TYW1: variants seen among roughly 807,000 people sequenced by gnomAD.
TYW1 encodes the protein S-adenosyl-L-methionine-dependent tRNA 4-demethylwyosine synthase TYW1.
TYW1 carries 46 observed loss-of-function variants against 96.2 expected under a neutral mutation model. That is an observed-to-expected ratio of 0.48 (90% CI 0.38 to 0.61). TYW1 has a LOEUF of 0.61. TYW1 is among the 20% of genes least tolerant of loss of function. The probability of loss-of-function intolerance (pLI) is 0.00; values close to 1 mark genes in which losing one functional copy is unlikely to be tolerated. For missense variants in TYW1, 684 were observed against 909.6 expected (o/e 0.75, Z 3.19); for synonymous variants, 274 against 323.0 (o/e 0.85, Z 1.63).
intron 15 of TYW1, among the ~76,000 whole-genome samples, chr7:67,228,740 T>C (rs1318147464): frequency 6.6e-6 from 1 of 152,236 alleles, no homozygotes; most frequent in Non-Finnish European, 1.5e-5. Flanking sequence ...AGAACTTTTT[T>C]CAGTGACTCT....
At chr7:67,203,876 A>G (rs13229380) in intron 15 of TYW1, among the ~76,000 whole-genome samples, 37,923 of 151,658 alleles carry the variant, frequency 0.25, 4,925 homozygotes, top group Middle Eastern at 0.3. Context: ...TTTCCTCTCC[A>G]TTCCTGAAGG....
intron 12 of TYW1, among the ~76,000 whole-genome samples, chr7:67,112,998 G>T (rs927907280): frequency 6.6e-6 from 1 of 152,170 alleles, no homozygotes; most frequent in Non-Finnish European, 1.5e-5. Flanking sequence ...AACCATGGGG[G>T]ATAGTTTGTG....
intron 6 of TYW1, among the ~76,000 whole-genome samples, chr7:67,020,164 G>A (rs558115460): frequency 1.3e-5 from 2 of 152,394 alleles, no homozygotes; most frequent in East Asian, 3.9e-4. Context: ...AGGATTGCTG[G>A]AGGCTAGGAG....
At chr7:67,003,637 G>T (rs906714265) in intron 3 of TYW1, among the ~76,000 whole-genome samples, 3 of 152,064 alleles carry the variant, frequency 2.0e-5, no homozygotes, top group African/African-American at 7.3e-5. Flanking sequence ...ACAATCCAAG[G>T]TTGGACATGA....
rs144746147 is a variant in TYW1 at position 67,117,556 on chromosome 7, C to T, written c.1636C>T (p.Arg546Cys). 4.3e-5 allele frequency: 69 copies of T among 1,613,976 alleles called. No individual in the cohort carries two copies. The highest frequency in any genetic ancestry group is 1.3e-4 in the African/African-American group (10 of 74,988). ...CAAAGACAGCCTGAAGAAAATCGACCGCCCACTCTTCAAGGATTTCTGGCA... is the reference window on the plus strand; with the variant it reads ...CAAAGACAGCCTGAAGAAAATCGACTGCCCACTCTTCAAGGATTTCTGGCA... ...STKDSLKKID[R>C]PLFKDFWQRF... Residue 546 changes from arginine (R) to cysteine (C), a missense_variant, in exon 13 of 16, where the codon CGC becomes TGC. Physicochemically the swap from Arg to Cys is radical, Grantham distance 180 (BLOSUM62 -3). Transcript: ENST00000359626.
At chr7:67,058,461 T>C (rs1032471603) in intron 9 of TYW1, among the ~76,000 whole-genome samples, 2 of 152,114 alleles carry the variant, frequency 1.3e-5, no homozygotes, top group Non-Finnish European at 2.9e-5. Context: ...CTAAGCAACC[T>C]GTGTGGAAGA....
intron 10 of TYW1, among the ~76,000 whole-genome samples, chr7:67,071,048 G>A (rs1413297475): frequency 4.6e-5 from 7 of 151,756 alleles, no homozygotes; most frequent in South Asian, 2.1e-4. Flanking sequence ...GGAGAATGGC[G>A]TGAACCCGGG....
At chr7:67,230,552 T>G (rs1347769841) in intron 15 of TYW1, among the ~76,000 whole-genome samples, 1 of 152,008 alleles carries the variant, frequency 6.6e-6, no homozygotes, top group Admixed American at 6.6e-5. Flanking sequence ...TTTCAGATTT[T>G]CTAGGTGATT....
chr7:67,090,301 T>C (rs1309914180), intron 11 of TYW1, among the ~76,000 whole-genome samples: 6 of 152,212 alleles, frequency 3.9e-5, no homozygotes, highest in African/African-American at 9.6e-5. Flanking sequence ...GTTGGGAAGA[T>C]TTTTGGCCAG....
chr7:67,087,040 C>T (rs1301245321), intron 11 of TYW1, among the ~76,000 whole-genome samples: 3 of 152,108 alleles, frequency 2.0e-5, no homozygotes, highest in Non-Finnish European at 2.9e-5. Context: ...ATCAGCACTG[C>T]CTTGAAGAAT....
At chr7:67,220,656 G>T (rs1212246393) in intron 15 of TYW1, among the ~76,000 whole-genome samples, 8 of 152,012 alleles carry the variant, frequency 5.3e-5, no homozygotes, top group African/African-American at 9.7e-5. Context: ...GTATTCTGTT[G>T]TTGTTAGGTA....
At chr7:67,049,842 C>T (rs1385088901) in intron 7 of TYW1, 107 bp from the exon 8 acceptor site, 25 of 1,398,742 alleles carry the variant, frequency 1.8e-5, no homozygotes, top group Admixed American at 1.7e-4. Context: ...CCACCGTGCC[C>T]GGCCTCATAA....
chr7:67,090,545 C>T (rs1003020529), intron 11 of TYW1, among the ~76,000 whole-genome samples: 7 of 152,102 alleles, frequency 4.6e-5, no homozygotes, highest in African/African-American at 1.4e-4. Flanking sequence ...TATCCAAGAT[C>T]AGGAAGGTGT....
At position 67,029,806 on chromosome 7, in the gene TYW1, T is replaced by A. The variant is rs1170365006; in HGVS notation, c.984+4784T>A. ...ACCTTGAACTCCTGGGCTCAAGGGA[T>A]CCTCCCATCTCGGCCTCCTGAGTAG... On this transcript the variant is annotated intron_variant, in intron 7 of 15. Transcript: ENST00000359626. Among the ~76,000 whole-genome samples, 3 of 152,074 alleles carry A rather than the reference T, an allele frequency of 2.0e-5. No individual in the cohort carries two copies. The East Asian group carries it at 5.8e-4, about 29-fold the overall frequency.
chr7:67,235,509 G>A (rs545441954), intron 15 of TYW1, among the ~76,000 whole-genome samples: 10 of 152,264 alleles, frequency 6.6e-5, no homozygotes, highest in Admixed American at 3.3e-4. Flanking sequence ...ATTCCATGGA[G>A]CCAGTAGCAG....
intron 7 of TYW1, among the ~76,000 whole-genome samples, chr7:67,038,761 G>A (rs1240649546): frequency 2.0e-5 from 3 of 152,140 alleles, no homozygotes; most frequent in South Asian, 2.1e-4. Context: ...AAAATTAGCC[G>A]GGTATGGTGG....
At position 67,078,849 on chromosome 7, in the gene TYW1, C is replaced by T. The variant is rs544937284; in HGVS notation, c.1275-4581C>T. 9.2e-5 allele frequency among the ~76,000 whole-genome samples: 14 copies of T among 152,238 alleles called. 1 individual carries two copies. The South Asian group carries it at 1.9e-3, about 20-fold the overall frequency. On this transcript the variant is annotated intron_variant, in intron 10 of 15. Transcript: ENST00000359626. The stretch of plus-strand genomic sequence containing the variant: ...CTGGGATTATAGATGCCTGCCACCA[C>T]GCCTGGCTAACTTTTTGTATTTTTT...
chr7:67,177,965 G>A (rs1454228402), intron 13 of TYW1, among the ~76,000 whole-genome samples: 2 of 143,896 alleles, frequency 1.4e-5, no homozygotes, highest in Non-Finnish European at 3.0e-5. Context: ...ACCAGCCTGG[G>A]CAACAAAGTG....
chr7:67,053,946 G>A lies in TYW1; in HGVS notation c.1103-1889G>A, dbSNP rs112912923. On this transcript the variant is annotated intron_variant, in intron 8 of 15. Transcript: ENST00000359626. ...TCTGTTGCATTTTCCAAACTCAAGA[G>A]TCCACTGGGCTTCGCTTGGGTAGTC... 1.1e-3 allele frequency among the ~76,000 whole-genome samples: 175 copies of A among 152,272 alleles called. 1 individual carries two copies. Among genetic ancestry groups the A allele is most frequent in the African/African-American group, 4.1e-3 (172 of 41,552 alleles).
Sources: gnomAD v4.1 joint callset for allele counts (sites outside exome capture counted in the v4.1 genomes callset) on GRCh38, gnomAD v4.1.1 for gene constraint, MANE v1.5 for transcripts, NCBI Gene and HGNC (gene_info 2026-07-23, HGNC 2026-07-21) for gene names.